Variants in SS18 observed in about 807,000 individuals in gnomAD.
SS18 encodes the protein SS18 subunit of BAF chromatin remodeling complex.
A neutral mutation model predicts 72.5 loss-of-function variants in SS18; 28 were observed. The ratio of observed to expected loss-of-function variants is 0.39; its 90% CI spans 0.29 to 0.53. SS18 has a LOEUF of 0.53. Among genes scored for constraint, SS18 ranks in the 20% least tolerant of loss-of-function variants. SS18 has a pLI of 0.76. For synonymous variants in SS18, 172 were observed against 164.2 expected (o/e 1.05, Z -0.37); for missense variants, 518 against 535.3 (o/e 0.97, Z 0.32).
chr18:26,070,687 T>C (rs939815269), intron 3 of SS18, among the ~76,000 whole-genome samples: 1 of 152,174 alleles, frequency 6.6e-6, no homozygotes, highest in African/African-American at 2.4e-5. Context: ...ACACACGAAA[T>C]AGAACTATAA....
At chr18:26,074,978 C>T (rs773848664) in intron 3 of SS18, among the ~76,000 whole-genome samples, 16 of 151,790 alleles carry the variant, frequency 1.1e-4, no homozygotes, top group Non-Finnish European at 1.5e-4. Context: ...TATTTTCATG[C>T]TAATTAATGT....
chr18:26,028,448 C>T (rs1319856231), intron 10 of SS18, among the ~76,000 whole-genome samples: 1 of 152,166 alleles, frequency 6.6e-6, no homozygotes, highest in Non-Finnish European at 1.5e-5. Flanking sequence ...TATGATCCAA[C>T]CATTCCACTC....
At chr18:26,056,261 A>C (rs528983936) in intron 4 of SS18, among the ~76,000 whole-genome samples, 11 of 152,246 alleles carry the variant, frequency 7.2e-5, no homozygotes, top group Non-Finnish European at 1.5e-4. Flanking sequence ...AATTTAAGTC[A>C]AAATCCTAAT....
At chr18:26,044,675 G>A (rs950646305) in intron 5 of SS18, among the ~76,000 whole-genome samples, 3 of 151,788 alleles carry the variant, frequency 2.0e-5, no homozygotes, top group Non-Finnish European at 4.4e-5. Context: ...AATATTTACT[G>A]ATTACTAAAA....
chr18:26,071,370 A>C (rs1296107270), intron 3 of SS18, among the ~76,000 whole-genome samples: 1 of 152,260 alleles, frequency 6.6e-6, no homozygotes, highest in Non-Finnish European at 1.5e-5. Context: ...TAGACAAAGC[A>C]AAACTCTTAA....
At chr18:26,070,111 A>G (rs1237753114) in intron 3 of SS18, among the ~76,000 whole-genome samples, 1 of 152,200 alleles carries the variant, frequency 6.6e-6, no homozygotes, top group Admixed American at 6.5e-5. Context: ...ACCACACAAG[A>G]AATCCACGTA....
chr18:26,086,783 T>G (rs1204296184), intron 2 of SS18, among the ~76,000 whole-genome samples: 3 of 152,218 alleles, frequency 2.0e-5, no homozygotes, highest in African/African-American at 4.8e-5. Context: ...ACCACATACA[T>G]GGATGCAACT....
intron 1 of SS18, among the ~76,000 whole-genome samples, chr18:26,087,960 CA>C (rs1255896466): frequency 6.6e-6 from 1 of 152,240 alleles, no homozygotes; most frequent in East Asian, 1.9e-4. Context: ...TTCATACGGA[CA>C]ATCTTTTCAA....
At chr18:26,066,397 A>C (rs2054217142) in intron 3 of SS18, among the ~76,000 whole-genome samples, 1 of 152,094 alleles carries the variant, frequency 6.6e-6, no homozygotes. Flanking sequence ...TCTCCATTTG[A>C]AGTCTATCAG....
intron 3 of SS18, among the ~76,000 whole-genome samples, chr18:26,076,112 C>T (rs182568818): frequency 6.6e-6 from 1 of 151,816 alleles, no homozygotes; most frequent in East Asian, 1.9e-4. Context: ...ATTTGGAAAA[C>T]TCAATTTTGT....
chr18:26,087,814 C>T (rs1449925767), intron 1 of SS18, among the ~76,000 whole-genome samples: 1 of 152,048 alleles, frequency 6.6e-6, no homozygotes, highest in African/African-American at 2.4e-5. Context: ...ATGTTGCTAC[C>T]CGCTGTTACA....
At chr18:26,079,789 C>G (rs2054483577) in intron 2 of SS18, among the ~76,000 whole-genome samples, 1 of 152,106 alleles carries the variant, frequency 6.6e-6, no homozygotes, top group African/African-American at 2.4e-5. Flanking sequence ...CCATGTTGCC[C>G]AGGCTGCTCT....
intron 3 of SS18, among the ~76,000 whole-genome samples, chr18:26,061,787 C>T (rs1163288718): frequency 6.6e-6 from 1 of 151,848 alleles, no homozygotes; most frequent in Non-Finnish European, 1.5e-5. Context: ...TATAAGAGAA[C>T]AAAATATATC....
In SS18 at chr18:26,084,862, T is replaced by A. The variant is rs1480058992; in HGVS notation, c.146+2639A>T. Among the ~76,000 whole-genome samples, 3 of 152,314 alleles carry A rather than the reference T, an allele frequency of 2.0e-5. No homozygotes were observed. The East Asian group carries it at 5.8e-4, about 29-fold the overall frequency. Reference sequence around the variant, plus strand: ...GTACTGGACCCTGGACCAGAAAATATGCACTAATAGGACAACTGGCAAAAT... The same window carrying A: ...GTACTGGACCCTGGACCAGAAAATAAGCACTAATAGGACAACTGGCAAAAT... On this transcript the variant is annotated intron_variant, in intron 2 of 10. Coordinates refer to ENST00000415083, the MANE Select transcript of SS18 (RefSeq NM_001007559.3).
rs377364560 is a variant in SS18, at chr18:26,034,980, A to G, written c.1096+25T>C. 8.2e-6 allele frequency: 13 copies of G among 1,591,566 alleles called. No homozygotes were observed. In the African/African-American group the frequency reaches 1.6e-4, roughly 20 times the overall value. On this transcript the variant is annotated intron_variant, in intron 9 of 10. Transcript: ENST00000415083. ...ACAATCAGCACATTTTTTTGGTGAT[A>G]AAAATACACTGTACAAAGCTTTACC... is the stretch of plus-strand genomic sequence containing the variant.
At chr18:26,038,446 G>A (rs2143876816) in intron 7 of SS18, 109 bp downstream of exon 7, 1 of 981,310 alleles carries the variant, frequency 1.0e-6, no homozygotes, top group Non-Finnish European at 1.6e-6. Context: ...AAAATTTAGA[G>A]GAAACAAATT....
intron 5 of SS18, among the ~76,000 whole-genome samples, chr18:26,049,349 A>G (rs947204903): frequency 2.0e-5 from 3 of 152,352 alleles, no homozygotes; most frequent in East Asian, 1.9e-4. Context: ...AAAGAAATAA[A>G]TAAGATTTTG....
At chr18:26,037,196 A>AT (rs2053640814) in intron 7 of SS18, among the ~76,000 whole-genome samples, 1 of 152,144 alleles carries the variant, frequency 6.6e-6, no homozygotes, top group East Asian at 1.9e-4. Flanking sequence ...AATAAAATGA[A>AT]TTAAAGTAAC....
chr18:26,083,209 T>C lies in SS18; in HGVS notation c.146+4292A>G, dbSNP rs17189011. On this transcript the variant is annotated intron_variant, in intron 2 of 10. Transcript: ENST00000415083. The stretch of plus-strand genomic sequence containing the variant: ...TTGCTTAAATTGTTCACCAAGTATA[T>C]GTGAGAAAATGAGATCTAATCCAAT... Among the ~76,000 whole-genome samples the C allele has an allele frequency of 5.7e-3, 872 of 152,214 alleles. 24 individuals are homozygous for C. Among genetic ancestry groups the C allele is most frequent in the East Asian group, 0.047 (245 of 5,184 alleles).
Sources: gnomAD v4.1 joint callset for allele counts (sites outside exome capture counted in the v4.1 genomes callset) on GRCh38, gnomAD v4.1.1 for gene constraint, MANE v1.5 for transcripts, NCBI Gene and HGNC (gene_info 2026-07-23, HGNC 2026-07-21) for gene names.